The following ADGRE3 variants were observed in gnomAD, a reference collection of about 807,000 sequenced individuals.
The protein encoded by ADGRE3 is adhesion G protein-coupled receptor E3, also known as EGF-like module receptor 3.
A neutral mutation model predicts 80.1 loss-of-function variants in ADGRE3; 88 were observed. The observed-to-expected ratio is 1.10, with a 90% CI of 0.93 to 1.31. The LOEUF (loss-of-function observed/expected upper bound fraction) is 1.31. Among genes scored for constraint, ADGRE3 ranks in the 40% most tolerant of loss-of-function variants. ADGRE3 has a pLI of 0.00. For missense variants in ADGRE3, 715 were observed against 776.5 expected (o/e 0.92, Z 0.94); for synonymous variants, 281 against 294.8 (o/e 0.95, Z 0.48).
chr19:14,658,805 G>A (rs990269514), intron 4 of ADGRE3, among the ~76,000 whole-genome samples: 1 of 151,930 alleles, frequency 6.6e-6, no homozygotes, highest in Admixed American at 6.6e-5. Context: ...TGCGACCTAG[G>A]CTCACTGCAA....
At chr19:14,631,742 G>A (rs1258988290) in intron 13 of ADGRE3, among the ~76,000 whole-genome samples, 2 of 152,150 alleles carry the variant, frequency 1.3e-5, no homozygotes, top group East Asian at 3.9e-4. Context: ...TTGAGGAACA[G>A]TTTGTATAGT....
chr19:14,616,922 G>A (rs932966242), downstream of ADGRE3, among the ~76,000 whole-genome samples: 1 of 151,266 alleles, frequency 6.6e-6, no homozygotes, highest in Non-Finnish European at 1.5e-5. Flanking sequence ...AGCCTCCTGA[G>A]TAGCTGGGGA....
chr19:14,652,770 C>T (rs2146872170), intron 6 of ADGRE3, among the ~76,000 whole-genome samples: 1 of 130,598 alleles, frequency 7.7e-6, no homozygotes. Flanking sequence ...GAATGAGACT[C>T]CATCTCAAAA....
chr19:14,629,887 G>A, intron 14 of ADGRE3, 152 bp downstream of exon 14: 1 of 471,948 alleles, frequency 2.1e-6, no homozygotes, highest in Non-Finnish European at 3.8e-6. Flanking sequence ...ACAACTAGTA[G>A]CATTTTTAAA....
rs377365507 is a variant in ADGRE3 at position 14,647,381 on chromosome 19, G to A, written c.698-16C>T. 4.6e-5 allele frequency: 67 copies of A among 1,455,618 alleles called. No individual in the cohort carries two copies. The African/African-American group carries it at 7.9e-4, about 17-fold the overall frequency. The allele number at this position is 1,455,618 out of a possible 1,614,324, so 90.2% of individuals were successfully genotyped here. On this transcript the variant is annotated splice_polypyrimidine_tract_variant and intron_variant, in intron 7 of 15. Transcript: ENST00000253673. ...GCACTGGGACCTGAGGAAACAGAAA[G>A]ATGGAATCTTTTTTCTTTTCTTTTC...
At chr19:14,617,759 T>A (rs2075091059), downstream of ADGRE3, among the ~76,000 whole-genome samples, 1 of 152,118 alleles carries the variant, frequency 6.6e-6, no homozygotes, top group East Asian at 1.9e-4. Flanking sequence ...AGTCTTCCTT[T>A]TATTCTTCCA....
Position 14,641,403 on chromosome 19 carries a change from G to C in ADGRE3, c.1248+16C>G, listed in dbSNP as rs1408512874. The C allele has an allele frequency of 1.2e-6, 2 of 1,613,998 alleles. No individual in the cohort carries two copies. The highest frequency in any genetic ancestry group is 3.3e-5 in the Admixed American group (2 of 60,004). ...CCTTGGGGCAGAAAGGGCATCCTCT[G>C]AGACACTGTCAGTACCTTGGGTTCA... On this transcript the variant is annotated intron_variant, in intron 10 of 15. Transcript: ENST00000253673.
At chr19:14,605,006 T>A in the ADGRE3 span, among the ~76,000 whole-genome samples, 2 of 151,820 alleles carry the variant, frequency 1.3e-5, no homozygotes, top group African/African-American at 4.8e-5. Context: ...TTTTCTAAAC[T>A]CATTAGCTAA....
the ADGRE3 span, among the ~76,000 whole-genome samples, chr19:14,611,492 C>T: frequency 6.6e-6 from 1 of 150,746 alleles, no homozygotes; most frequent in African/African-American, 2.4e-5. Flanking sequence ...ATCCTCCTGC[C>T]TCAGCCTCCC....
In ADGRE3 at chr19:14,674,811, C is replaced by A; in HGVS notation, c.-41G>T. 1 of 1,610,806 alleles carries A rather than the reference C, an allele frequency of 6.2e-7. No individual in the cohort carries two copies. The highest frequency in any genetic ancestry group is 8.5e-7 in the Non-Finnish European group (1 of 1,178,186). On this transcript the variant is annotated 5_prime_UTR_variant, in exon 1 of 16. Coordinates refer to ENST00000253673, the MANE Select transcript of ADGRE3 (RefSeq NM_032571.5). ...ATCCCACGCCAGCCAGCCCTGGAAG[C>A]TCTCTACTGTGCCGTAAGCCAACCA...
the ADGRE3 span, among the ~76,000 whole-genome samples, chr19:14,605,383 A>G: frequency 2.7e-5 from 4 of 147,912 alleles, no homozygotes; most frequent in Admixed American, 1.4e-4. Context: ...GGCATGAGCC[A>G]CCGCGCCCGG....
In ADGRE3 at chr19:14,625,106, A is replaced by G. The variant is rs370639129; in HGVS notation, c.1920+386T>C. ...GTGATTTTCCTGTCTCAGCCTCCCC[A>G]GTAGCTGGGACTACAGGTGCATACC... On this transcript the variant is annotated intron_variant, in intron 15 of 15. Coordinates refer to ENST00000253673, the MANE Select transcript of ADGRE3 (RefSeq NM_032571.5). Among the ~76,000 whole-genome samples, 68 of 152,232 alleles carry G rather than the reference A, an allele frequency of 4.5e-4. No individual in the cohort carries two copies. In the South Asian group the frequency reaches 0.014, roughly 32 times the overall value.
the ADGRE3 span, among the ~76,000 whole-genome samples, chr19:14,605,709 A>G: frequency 2.6e-5 from 4 of 151,964 alleles, no homozygotes; most frequent in African/African-American, 9.7e-5. Context: ...TATCTCTGTC[A>G]TAAGTCCTTT....
In ADGRE3 at chr19:14,674,751, A is replaced by G. The variant is rs771296383; in HGVS notation, c.20T>C (p.Leu7Pro). MQGPLL[L>P]PGLCFLLSLF... ...ATTGTTACAGTCACACATACCTGGA[A>G]GAAGCAATGGTCCCTGCATTTCTGT... The change falls in exon 1 of 16, where the codon CTT becomes CCT. Residue 7 changes from leucine to proline, a missense_variant. By Grantham distance (98) the Leu-to-Pro change is moderately conservative. Coordinates refer to ENST00000253673, the MANE Select transcript of ADGRE3 (RefSeq NM_032571.5). The G allele has an allele frequency of 6.2e-7, 1 of 1,614,014 alleles. No individual in the cohort carries two copies. Among genetic ancestry groups the G allele is most frequent in the South Asian group, 1.1e-5 (1 of 91,064 alleles).
Position 14,669,981 on chromosome 19 carries a change from G to C in ADGRE3, c.26-1129C>G, listed in dbSNP as rs371783173. Among the ~76,000 whole-genome samples the C allele has an allele frequency of 2.6e-5, 4 of 152,146 alleles. No individual in the cohort carries two copies. The East Asian group carries it at 7.7e-4, about 29-fold the overall frequency. On this transcript the variant is annotated intron_variant, in intron 1 of 15. Coordinates refer to ENST00000253673, the MANE Select transcript of ADGRE3 (RefSeq NM_032571.5). ...TATTCGGTACAATGTTTAATGTTTGGGTGATGGGTACATCAGAAACCCAGT... is the reference window on the plus strand; with the variant it reads ...TATTCGGTACAATGTTTAATGTTTGCGTGATGGGTACATCAGAAACCCAGT...
chr19:14,653,944 TG>T (rs1284266560), intron 6 of ADGRE3, among the ~76,000 whole-genome samples: 1 of 48,366 alleles, frequency 2.1e-5, no homozygotes, highest in African/African-American at 1.7e-4. Context: ...GCTGTGTGTG[TG>T]TTTTTTTTTT....
intron 11 of ADGRE3, among the ~76,000 whole-genome samples, chr19:14,636,190 T>TC (rs1331535821): frequency 1.3e-4 from 13 of 100,270 alleles, no homozygotes; most frequent in Non-Finnish European, 2.5e-4. Flanking sequence ...CCTCTTTCTT[T>TC]CTTTCTTTCT....
chr19:14,620,562 ATATATATTTTTTT>A lies in ADGRE3; in HGVS notation c.1921-1104_1921-1092del, dbSNP rs1970566430. On this transcript the variant is annotated intron_variant, in intron 15 of 15. Coordinates refer to ENST00000253673, the MANE Select transcript of ADGRE3 (RefSeq NM_032571.5). ...TTATATATATATTATATATATATAT[ATATATATTTTTTT>A]TTTTTTTTTTTTTTTTTTTTTTGAG... Among the ~76,000 whole-genome samples, 4 of 22,076 alleles carry A rather than the reference ATATATATTTTTTT, an allele frequency of 1.8e-4. 1 individual carries two copies. The highest frequency in any genetic ancestry group is 2.4e-4 in the Non-Finnish European group (3 of 12,524). The allele number at this position is 22,076 out of a possible 152,430, so 14.5% of individuals were successfully genotyped here.
chr19:14,623,441 T>C (rs1373160519), intron 15 of ADGRE3, among the ~76,000 whole-genome samples: 1 of 152,150 alleles, frequency 6.6e-6, no homozygotes, highest in Non-Finnish European at 1.5e-5. Flanking sequence ...AAGCCAAATA[T>C]GGAACGAAAT....
Sources: allele counts gnomAD v4.1 joint callset (sites outside exome capture counted in the v4.1 genomes callset), GRCh38; gene constraint gnomAD v4.1.1; transcripts MANE v1.5; gene names NCBI Gene and HGNC (gene_info 2026-07-23, HGNC 2026-07-21).